The following KAZN variants were observed in gnomAD, a reference collection of about 807,000 sequenced individuals.
KAZN encodes the protein kazrin.
KAZN carries 40 observed loss-of-function variants against 87.4 expected under a neutral mutation model. That is an observed-to-expected ratio of 0.46 (90% CI 0.36 to 0.60). The LOEUF is 0.60. Ranked by LOEUF, KAZN falls within the 20% of genes least tolerant of loss-of-function variation. KAZN has a pLI of 0.00. For synonymous variants in KAZN, 466 were observed against 458.3 expected (o/e 1.02, Z -0.22); for missense variants, 898 against 1,073.9 (o/e 0.84, Z 2.29).
At chr1:14,414,203 G>A (rs949517133) in intron 2 of KAZN, among the ~76,000 whole-genome samples, 1 of 152,114 alleles carries the variant, frequency 6.6e-6, no homozygotes, top group African/African-American at 2.4e-5. Flanking sequence ...GCGGAATTTG[G>A]CAATATTTAG....
At chr1:14,617,716 AC>A (rs1227321934) in intron 1 of KAZN, among the ~76,000 whole-genome samples, 1 of 152,310 alleles carries the variant, frequency 6.6e-6, no homozygotes, top group African/African-American at 2.4e-5. Context: ...CCCATGGAAG[AC>A]CTGTAGTGCT....
chr1:14,448,099 G>A (rs1303632647), intron 2 of KAZN, among the ~76,000 whole-genome samples: 1 of 152,216 alleles, frequency 6.6e-6, no homozygotes, highest in Non-Finnish European at 1.5e-5. Context: ...AGCCCTGGTA[G>A]CATTGACTGA....
intron 1 of KAZN, among the ~76,000 whole-genome samples, chr1:14,606,769 G>A (rs1327786794): frequency 6.6e-6 from 1 of 152,018 alleles, no homozygotes; most frequent in Non-Finnish European, 1.5e-5. Context: ...TGTTCTCAGG[G>A]GGCTGTCCTG....
intron 2 of KAZN, among the ~76,000 whole-genome samples, chr1:14,187,155 G>A (rs916217461): frequency 2.0e-5 from 3 of 152,012 alleles, no homozygotes; most frequent in Admixed American, 6.6e-5. Flanking sequence ...CCAGCCCGTC[G>A]CAAAGAAGGA....
intron 8 of KAZN, among the ~76,000 whole-genome samples, chr1:15,090,518 C>A (rs918136377): frequency 1.3e-5 from 2 of 152,256 alleles, no homozygotes; most frequent in African/African-American, 4.8e-5. Flanking sequence ...TGCACCCCGG[C>A]CTGACAGCCC....
intron 2 of KAZN, among the ~76,000 whole-genome samples, chr1:14,491,693 G>C (rs544761524): frequency 2.8e-4 from 43 of 152,166 alleles, no homozygotes; most frequent in Non-Finnish European, 5.6e-4. Flanking sequence ...TAAGGAGTGG[G>C]TGTTGCATGT....
intron 1 of KAZN, among the ~76,000 whole-genome samples, chr1:14,013,578 C>G (rs1241250783): frequency 6.6e-6 from 1 of 152,114 alleles, no homozygotes; most frequent in Non-Finnish European, 1.5e-5. Context: ...GGGATTCGTG[C>G]TGTATCTCAG....
intron 2 of KAZN, among the ~76,000 whole-genome samples, chr1:14,317,398 A>C (rs777573612): frequency 5.3e-5 from 8 of 151,800 alleles, no homozygotes; most frequent in Non-Finnish European, 1.2e-4. Flanking sequence ...TTTGACTTTT[A>C]ATCTATTTGT....
chr1:14,884,485 A>G (rs1653827220), intron 1 of KAZN, among the ~76,000 whole-genome samples: 1 of 152,224 alleles, frequency 6.6e-6, no homozygotes, highest in East Asian at 1.9e-4. Flanking sequence ...AAGACTATGC[A>G]TATAACAGAA....
intron 1 of KAZN, among the ~76,000 whole-genome samples, chr1:14,155,484 T>C (rs1645572819): frequency 2.6e-5 from 4 of 152,216 alleles, no homozygotes; most frequent in Admixed American, 2.6e-4. Flanking sequence ...ACAAACTTTT[T>C]GGTTCATTGA....
intron 1 of KAZN, among the ~76,000 whole-genome samples, chr1:14,111,984 C>T (rs1179520099): frequency 6.6e-6 from 1 of 152,070 alleles, no homozygotes; most frequent in Admixed American, 6.5e-5. Flanking sequence ...GTGATCCACC[C>T]ACCTCGGCCT....
intron 1 of KAZN, among the ~76,000 whole-genome samples, chr1:13,898,675 C>A (rs1181795141): frequency 6.6e-6 from 1 of 152,184 alleles, no homozygotes; most frequent in Non-Finnish European, 1.5e-5. Context: ...ACCTGCAAGG[C>A]TCCTTGTTTG....
At chr1:14,043,751 G>A (rs903951933) in intron 1 of KAZN, among the ~76,000 whole-genome samples, 3 of 152,092 alleles carry the variant, frequency 2.0e-5, no homozygotes, top group Non-Finnish European at 4.4e-5. Context: ...ACATCAACTC[G>A]GAGGGAGGTG....
At chr1:14,461,185 G>A (rs941129064) in intron 2 of KAZN, among the ~76,000 whole-genome samples, 9 of 152,102 alleles carry the variant, frequency 5.9e-5, no homozygotes, top group African/African-American at 2.2e-4. Flanking sequence ...CCCTTTCCTG[G>A]CTGTCATCTC....
chr1:14,722,306 G>A (rs1643157137), intron 1 of KAZN, among the ~76,000 whole-genome samples: 2 of 152,044 alleles, frequency 1.3e-5, no homozygotes, highest in Admixed American at 1.3e-4. Flanking sequence ...TCCATCACAG[G>A]GCAAATGTGA....
At chr1:14,748,395 G>T (rs1392224684) in intron 1 of KAZN, among the ~76,000 whole-genome samples, 1 of 152,116 alleles carries the variant, frequency 6.6e-6, no homozygotes, top group Non-Finnish European at 1.5e-5. Context: ...TTCATGACCT[G>T]GGTTAAGCCA....
chr1:14,305,329 G>A (rs1557628546), intron 2 of KAZN, among the ~76,000 whole-genome samples: 1 of 152,002 alleles, frequency 6.6e-6, no homozygotes, highest in Non-Finnish European at 1.5e-5. Context: ...TATTTTAGAG[G>A]GCCTGACAAC....
At chr1:14,371,901 T>C (rs6701669) in intron 2 of KAZN, among the ~76,000 whole-genome samples, 6 of 152,212 alleles carry the variant, frequency 3.9e-5, no homozygotes, top group African/African-American at 1.2e-4. Flanking sequence ...AATGCGCACA[T>C]AAATTAATGC....
chr1:13,901,355 C>T (rs894575493), intron 1 of KAZN, among the ~76,000 whole-genome samples: 8 of 152,190 alleles, frequency 5.3e-5, no homozygotes, highest in African/African-American at 1.7e-4. Context: ...TGTGGATCAT[C>T]TGATCCCGGA....
Sources: allele counts gnomAD v4.1 joint callset (sites outside exome capture counted in the v4.1 genomes callset), GRCh38; gene constraint gnomAD v4.1.1; transcripts MANE v1.5; gene names NCBI Gene and HGNC (gene_info 2026-07-23, HGNC 2026-07-21).